The following NCAM2 variants were observed in gnomAD, a reference collection of about 807,000 sequenced individuals.
NCAM2 encodes the protein neural cell adhesion molecule 2, also known as N-CAM-2.
Under a neutral mutation model 98.1 loss-of-function variants are expected in NCAM2, and 30 were observed. The observed-to-expected ratio is 0.31, with a 90% CI of 0.23 to 0.41. The LOEUF is 0.41. NCAM2 is among the 10% of genes least tolerant of loss of function. The pLI, the probability that NCAM2 is intolerant of heterozygous loss-of-function variation, is 1.00. For synonymous variants in NCAM2, 368 were observed against 342.4 expected (o/e 1.07, Z -0.83); for missense variants, 867 against 1,005.8 (o/e 0.86, Z 1.87).
At chr21:21,477,569 T>A in intron 15 of NCAM2, 98 bp downstream of exon 15, 1 of 974,480 alleles carries the variant, frequency 1.0e-6, no homozygotes, top group South Asian at 2.9e-5. Context: ...TAAAACAAAC[T>A]GAAATGTAAA....
intron 1 of NCAM2, among the ~76,000 whole-genome samples, chr21:21,096,837 G>A (rs1363659572): frequency 1.3e-5 from 2 of 151,276 alleles, no homozygotes; most frequent in Admixed American, 6.6e-5. Context: ...TTTTGTTGGC[G>A]TTACTTCATC....
rs138101658 is a variant in NCAM2, at chr21:21,292,298, T to C, written c.619+57T>C. 1,620 of 1,543,618 alleles carry C rather than the reference T, an allele frequency of 1.0e-3. 14 individuals carry two copies. The African/African-American group carries it at 0.02, about 19-fold the overall frequency. The stretch of plus-strand genomic sequence containing the variant: ...GGATTCATTTTAGCAATGTTTTTTA[T>C]TAAATGGCAACCATGTGAACTCAAA... On this transcript the variant is annotated intron_variant, in intron 5 of 17. Transcript: ENST00000400546.
At chr21:21,024,432 C>A (rs1193986156) in intron 1 of NCAM2, among the ~76,000 whole-genome samples, 2 of 152,002 alleles carry the variant, frequency 1.3e-5, no homozygotes, top group African/African-American at 2.4e-5. Context: ...ATAAAACATG[C>A]AAACTATTTT....
intron 6 of NCAM2, among the ~76,000 whole-genome samples, chr21:21,325,787 TAAAG>T (rs1407630699): frequency 7.2e-5 from 11 of 152,092 alleles, no homozygotes; most frequent in Non-Finnish European, 1.0e-4. Context: ...ATTTAACAGA[TAAAG>T]AAAGTAAAGC....
At chr21:21,029,532 A>G (rs1377181346) in intron 1 of NCAM2, among the ~76,000 whole-genome samples, 1 of 152,204 alleles carries the variant, frequency 6.6e-6, no homozygotes, top group Non-Finnish European at 1.5e-5. Flanking sequence ...GTTAATGCAT[A>G]TGTCACAATA....
In NCAM2 at chr21:21,342,553, C is replaced by T. The variant is rs150865421; in HGVS notation, c.1044+4019C>T. ...AGCAGCCTGCTGTCTTTTGTGGCAG[C>T]AGGCTTTCTCCACAGAGAACATTTC... On this transcript the variant is annotated intron_variant, in intron 8 of 17. Transcript: ENST00000400546. Among the ~76,000 whole-genome samples the T allele has an allele frequency of 1.8e-4, 28 of 152,274 alleles. No individual in the cohort carries two copies. In the Middle Eastern group the frequency reaches 0.01, roughly 55 times the overall value.
intron 1 of NCAM2, among the ~76,000 whole-genome samples, chr21:21,087,662 T>C (rs906858097): frequency 6.6e-6 from 1 of 152,140 alleles, no homozygotes; most frequent in African/African-American, 2.4e-5. Context: ...CTGGGAGATA[T>C]AGCACTCTGG....
At chr21:21,503,185 T>C (rs73218009) in intron 15 of NCAM2, among the ~76,000 whole-genome samples, 37,074 of 151,780 alleles carry the variant, frequency 0.24, 4,622 homozygotes, top group South Asian at 0.31. Flanking sequence ...TACTTAACCC[T>C]ACATATACAG....
At chr21:21,221,564 C>T (rs2070163357) in intron 1 of NCAM2, among the ~76,000 whole-genome samples, 2 of 152,188 alleles carry the variant, frequency 1.3e-5, no homozygotes, top group Admixed American at 1.3e-4. Flanking sequence ...AGCTAGAAGA[C>T]CAAACCAGTG....
At chr21:21,346,508 T>C (rs1198992247) in intron 8 of NCAM2, among the ~76,000 whole-genome samples, 1 of 152,096 alleles carries the variant, frequency 6.6e-6, no homozygotes, top group Non-Finnish European at 1.5e-5. Flanking sequence ...ACTTCAGATG[T>C]AATCTGCACT....
Position 21,385,371 on chromosome 21 carries a change from A to AACACACACACACAC in NCAM2, c.1195+11373_1195+11386dup, listed in dbSNP as rs543136137. The stretch of plus-strand genomic sequence containing the variant: ...ATTACAAAGACATTACACAATGTTA[A>AACACACACACACAC]ACACACACACACACACACACACACA... On this transcript the variant is annotated intron_variant, in intron 9 of 17. Transcript: ENST00000400546. 9.4e-4 allele frequency among the ~76,000 whole-genome samples: 104 copies of AACACACACACACAC among 110,208 alleles called. 2 individuals are homozygous for AACACACACACACAC. In the South Asian group the frequency reaches 0.015, roughly 15 times the overall value. The allele number at this position is 110,208 out of a possible 152,430, so 72.3% of individuals were successfully genotyped here.
intron 12 of NCAM2, among the ~76,000 whole-genome samples, chr21:21,437,474 C>CTCTGTGTGTGTGTGTGTG (rs370849396): frequency 6.9e-6 from 1 of 144,430 alleles, no homozygotes; most frequent in Non-Finnish European, 1.5e-5. Flanking sequence ...CACCAAGATT[C>CTCTGTGTGTGTGTGTGTG]TGTGTGTGTG....
chr21:21,495,223 CTTAT>C (rs1273031882), intron 15 of NCAM2, among the ~76,000 whole-genome samples: 2 of 151,764 alleles, frequency 1.3e-5, no homozygotes, highest in African/African-American at 4.8e-5. Flanking sequence ...AGTATTTTAT[CTTAT>C]TTAGTTTCTA....
intron 1 of NCAM2, among the ~76,000 whole-genome samples, chr21:21,066,673 G>A (rs80032968): frequency 0.037 from 5,643 of 151,876 alleles, 328 homozygotes; most frequent in African/African-American, 0.13. Context: ...TTGTTGTTTC[G>A]TCTTTTACTT....
chr21:21,050,279 C>T (rs2065081552), intron 1 of NCAM2, among the ~76,000 whole-genome samples: 1 of 152,138 alleles, frequency 6.6e-6, no homozygotes, highest in South Asian at 2.1e-4. Context: ...GAGAAACTAT[C>T]ATTTTAGAAC....
intron 12 of NCAM2, among the ~76,000 whole-genome samples, chr21:21,444,928 G>A (rs1270570509): frequency 6.6e-6 from 1 of 152,034 alleles, no homozygotes; most frequent in Non-Finnish European, 1.5e-5. Flanking sequence ...TGATGTTAGG[G>A]TGTCGATTTG....
chr21:21,084,951 C>T (rs1416909063), intron 1 of NCAM2, among the ~76,000 whole-genome samples: 1 of 152,086 alleles, frequency 6.6e-6, no homozygotes, highest in Non-Finnish European at 1.5e-5. Flanking sequence ...TCAATAGTCA[C>T]TGTGCTGGTG....
At chr21:21,505,305 T>G (rs181871554) in intron 15 of NCAM2, among the ~76,000 whole-genome samples, 1 of 152,050 alleles carries the variant, frequency 6.6e-6, no homozygotes, top group Non-Finnish European at 1.5e-5. Context: ...TGAGTCTCTA[T>G]CCCACAAGTG....
intron 13 of NCAM2, 95 bp downstream of exon 13, chr21:21,466,820 T>C (rs1385152629): frequency 4.8e-6 from 6 of 1,252,036 alleles, no homozygotes; most frequent in Admixed American, 2.5e-5. Flanking sequence ...TTCAACACTT[T>C]TGAGACATGA....
Sources: allele counts gnomAD v4.1 joint callset (sites outside exome capture counted in the v4.1 genomes callset), GRCh38; gene constraint gnomAD v4.1.1; transcripts MANE v1.5; gene names NCBI Gene and HGNC (gene_info 2026-07-23, HGNC 2026-07-21).